Variants in OSBPL5 observed in about 807,000 individuals in gnomAD.
The protein encoded by OSBPL5 is oxysterol binding protein like 5.
OSBPL5 carries 71 observed loss-of-function variants against 111.2 expected under a neutral mutation model. The observed-to-expected ratio is 0.64, with a 90% CI of 0.53 to 0.78. The LOEUF is 0.78. OSBPL5 is among the 30% of genes least tolerant of loss of function. The probability of loss-of-function intolerance (pLI) is 0.00; values close to 1 mark genes in which losing one functional copy is unlikely to be tolerated. For synonymous variants in OSBPL5, 549 were observed against 513.9 expected, an observed-to-expected ratio of 1.07 and a Z score of -0.93; for missense variants, 1,210 against 1,189.3, an observed-to-expected ratio of 1.02 and a Z score of -0.26.
intron 1 of OSBPL5, among the ~76,000 whole-genome samples, chr11:3,155,107 C>T (rs1457316757): frequency 6.6e-6 from 1 of 152,104 alleles, no homozygotes; most frequent in Non-Finnish European, 1.5e-5. Context: ...CAGGAGAAAC[C>T]AGCCCTGAAA....
chr11:3,107,326 G>A lies in OSBPL5; in HGVS notation c.996C>T (p.Thr332=). 1 of 1,613,866 alleles carries A rather than the reference G, an allele frequency of 6.2e-7. No individual in the cohort carries two copies. The change falls in exon 9 of 22, where the codon ACC becomes ACT. Residue 332 remains threonine, a synonymous_variant. Coordinates refer to ENST00000263650, the MANE Select transcript of OSBPL5 (RefSeq NM_020896.4). The surrounding 1 kb of genome is among the most constrained non-coding windows in gnomAD (Gnocchi z 6.1). The part of the protein sequence containing the change: ...KTESGSDQSE[T]PGAPVRRGTT... ...TCCCTCTCCGCACCGGGGCCCCAGG[G>A]GTCTCTGACTGGTCGCTGCCACTCT...
chr11:3,118,570 A>ATTTTTTTTT (rs143316664), intron 7 of OSBPL5, among the ~76,000 whole-genome samples: 1 of 124,162 alleles, frequency 8.1e-6, no homozygotes, highest in African/African-American at 3.1e-5. Context: ...AAAATAAACT[A>ATTTTTTTTT]TTTTTTTTTT....
rs1394845858 is a variant in OSBPL5 at position 3,140,109 on chromosome 11, C to T, written c.-21-10940G>A. Among the ~76,000 whole-genome samples the T allele has an allele frequency of 2.0e-5, 3 of 152,236 alleles. No homozygotes were observed. Among genetic ancestry groups the T allele is most frequent in the East Asian group, 1.9e-4 (1 of 5,198 alleles). On this transcript the variant is annotated intron_variant, in intron 1 of 21. Coordinates refer to ENST00000263650, the MANE Select transcript of OSBPL5 (RefSeq NM_020896.4). This position sits in a 1 kb window ranked among gnomAD's most constrained non-coding sequence, Gnocchi z 4.5. ...CAAGCAGCACCTCTGCCAAGGAGCT[C>T]CCTCTGCAGAGGAGAACCCGGCCAA...
intron 14 of OSBPL5, among the ~76,000 whole-genome samples, chr11:3,095,707 A>G (rs1179717147): frequency 2.0e-5 from 3 of 152,230 alleles, no homozygotes; most frequent in Non-Finnish European, 4.4e-5. Context: ...TTGAAAATAT[A>G]AAAAACCTGG....
Position 3,146,780 on chromosome 11 carries a change from C to G in OSBPL5, c.-21-17611G>C, listed in dbSNP as rs547966468. ...GAGTTGGCCTTTGTACAGCCTGTCC[C>G]GAAGCGGCCTGGCACAGGGCAGCAG... On this transcript the variant is annotated intron_variant, in intron 1 of 21. Transcript: ENST00000263650. This position sits in a 1 kb window ranked among gnomAD's most constrained non-coding sequence, Gnocchi z 7.8. 6.6e-6 allele frequency: 1 copy of G among 152,168 alleles called. No homozygotes were observed. Among genetic ancestry groups the G allele is most frequent in the African/African-American group, 2.4e-5 (1 of 41,410 alleles). 9.4% of individuals were successfully genotyped at this position (152,168 alleles called of 1,614,324 possible).
At chr11:3,090,303 C>A (rs1005651928) in intron 20 of OSBPL5, among the ~76,000 whole-genome samples, 1 of 152,214 alleles carries the variant, frequency 6.6e-6, no homozygotes, top group Admixed American at 6.5e-5. Flanking sequence ...CCCCTCCCAC[C>A]GCTGGGGAGC....
At chr11:3,103,804 C>CT (rs1857574407) in intron 10 of OSBPL5, among the ~76,000 whole-genome samples, 1 of 45,504 alleles carries the variant, frequency 2.2e-5, no homozygotes, top group Non-Finnish European at 5.9e-5. Context: ...GCCTCTGCAG[C>CT]CCTCTTCCTG....
intron 14 of OSBPL5, among the ~76,000 whole-genome samples, chr11:3,097,111 AGG>A (rs370012128): frequency 7.9e-6 from 1 of 127,144 alleles, no homozygotes; most frequent in Non-Finnish European, 1.7e-5. Context: ...AGATGGGAGG[AGG>A]AGGAGAGGAA....
At chr11:3,128,148 T>C (rs905877825) in intron 2 of OSBPL5, among the ~76,000 whole-genome samples, 1 of 152,224 alleles carries the variant, frequency 6.6e-6, no homozygotes, top group Non-Finnish European at 1.5e-5. Context: ...TTCCATCTAT[T>C]GGATGGGACT....
In OSBPL5 at chr11:3,109,261, G is replaced by A. The variant is rs543055995; in HGVS notation, c.692-1316C>T. 6.6e-6 allele frequency among the ~76,000 whole-genome samples: 1 copy of A among 151,510 alleles called. No individual in the cohort carries two copies. The highest frequency in any genetic ancestry group is 1.5e-5 in the Non-Finnish European group (1 of 67,870). On this transcript the variant is annotated intron_variant, in intron 7 of 21. Coordinates refer to ENST00000263650, the MANE Select transcript of OSBPL5 (RefSeq NM_020896.4). This position sits in a 1 kb window ranked among gnomAD's most constrained non-coding sequence, Gnocchi z 7.4. The stretch of plus-strand genomic sequence containing the variant: ...TGCCTGTAATTTTTTTGTATTTTTA[G>A]TAGAGATGGGGTTTCACCATGTTGG...
intron 1 of OSBPL5, among the ~76,000 whole-genome samples, chr11:3,153,717 C>A (rs938316100): frequency 2.6e-5 from 4 of 152,204 alleles, no homozygotes; most frequent in African/African-American, 9.7e-5. Flanking sequence ...ATTCGTTAAA[C>A]CTCAATTTCA....
intron 7 of OSBPL5, among the ~76,000 whole-genome samples, chr11:3,108,735 G>C (rs10833255): frequency 0.37 from 55,996 of 151,644 alleles, 12,808 homozygotes; most frequent in East Asian, 0.79. Context: ...AGCATCTCGT[G>C]GTGGCCTGTG....
In OSBPL5 at chr11:3,141,975, C is replaced by T. The variant is rs149867001; in HGVS notation, c.-21-12806G>A. Among the ~76,000 whole-genome samples, 2,309 of 152,292 alleles carry T rather than the reference C, an allele frequency of 0.015. 60 individuals carry two copies. The highest frequency in any genetic ancestry group is 0.053 in the African/African-American group (2,211 of 41,560). On this transcript the variant is annotated intron_variant, in intron 1 of 21. Coordinates refer to ENST00000263650, the MANE Select transcript of OSBPL5 (RefSeq NM_020896.4). The surrounding 1 kb of genome is among the most constrained non-coding windows in gnomAD (Gnocchi z 6.5). Reference sequence around the variant, plus strand: ...TTGCCCAGACTGGAGTACAATGGCACGATCTTGGCTCACTGCAACCTCTGT... The same window carrying T: ...TTGCCCAGACTGGAGTACAATGGCATGATCTTGGCTCACTGCAACCTCTGT...
Position 3,113,819 on chromosome 11 carries a change from T to C in OSBPL5, c.691+5728A>G, listed in dbSNP as rs2134442319. On this transcript the variant is annotated intron_variant, in intron 7 of 21. Coordinates refer to ENST00000263650, the MANE Select transcript of OSBPL5 (RefSeq NM_020896.4). This position sits in a 1 kb window ranked among gnomAD's most constrained non-coding sequence, Gnocchi z 4.8. ...TCTTTGTTTCAGGTAAACTATAAACTAAGTTCCTCCCAAAGTTAGTTTGAC... is the reference window on the plus strand; with the variant it reads ...TCTTTGTTTCAGGTAAACTATAAACCAAGTTCCTCCCAAAGTTAGTTTGAC... Among the ~76,000 whole-genome samples, 1 of 152,282 alleles carries C rather than the reference T, an allele frequency of 6.6e-6. No homozygotes were observed. The highest frequency in any genetic ancestry group is 1.5e-5 in the Non-Finnish European group (1 of 68,016).
At chr11:3,164,123 G>C (rs755257104) in intron 1 of OSBPL5, 1 of 152,264 alleles carries the variant, frequency 6.6e-6, no homozygotes, top group African/African-American at 2.4e-5. Flanking sequence ...CACTTCTCCA[G>C]GCTTTGGGAG....
In OSBPL5 at chr11:3,126,323, C is replaced by T; in HGVS notation, c.219+150G>A. On this transcript the variant is annotated intron_variant, in intron 3 of 21. Coordinates refer to ENST00000263650, the MANE Select transcript of OSBPL5 (RefSeq NM_020896.4). This position sits in a 1 kb window ranked among gnomAD's most constrained non-coding sequence, Gnocchi z 6.5. ...ATATCCACCAGCAGCCCTCCCGGAG[C>T]AGCACAGTCTAGGATTGGGAGCTGT... is the stretch of plus-strand genomic sequence containing the variant. 1 of 612,778 alleles carries T rather than the reference C, an allele frequency of 1.6e-6. No individual in the cohort carries two copies. The highest frequency in any genetic ancestry group is 2.6e-6 in the Non-Finnish European group (1 of 381,092). The allele number at this position is 612,778 out of a possible 1,614,324, so 38.0% of individuals were successfully genotyped here.
At position 3,146,514 on chromosome 11, in the gene OSBPL5, G is replaced by C. The variant is rs934102643; in HGVS notation, c.-21-17345C>G. On this transcript the variant is annotated intron_variant, in intron 1 of 21. Transcript: ENST00000263650. This position sits in a 1 kb window ranked among gnomAD's most constrained non-coding sequence, Gnocchi z 7.8. ...CGTGGTGGTCAGAAGCCCCCTGCCT[G>C]TGGGCACGGCTGTTGGACCCTGTCA... is the stretch of plus-strand genomic sequence containing the variant. The C allele has an allele frequency of 6.6e-6, 1 of 152,280 alleles. No individual in the cohort carries two copies. Among genetic ancestry groups the C allele is most frequent in the Admixed American group, 6.5e-5 (1 of 15,288 alleles). 9.4% of individuals were successfully genotyped at this position (152,280 alleles called of 1,614,324 possible).
At chr11:3,093,297 G>T in intron 17 of OSBPL5, 1 of 775,100 alleles carries the variant, frequency 1.3e-6, no homozygotes, top group Non-Finnish European at 2.0e-6. Context: ...GTCACTCGCC[G>T]GCAGTGATGC....
intron 1 of OSBPL5, among the ~76,000 whole-genome samples, chr11:3,153,453 T>C (rs984635677): frequency 1.6e-4 from 25 of 152,186 alleles, no homozygotes; most frequent in Admixed American, 1.2e-3. Context: ...TAAGCTGCTC[T>C]TGTGTGGGAA....
Sources: gnomAD v4.1 joint callset for allele counts (sites outside exome capture counted in the v4.1 genomes callset) on GRCh38, gnomAD v4.1.1 for gene constraint, Gnocchi (gnomAD v3.1) non-coding constraint, MANE v1.5 for transcripts, NCBI Gene and HGNC (gene_info 2026-07-23, HGNC 2026-07-21) for gene names.